The following ATP8B2 variants were observed in gnomAD, a reference collection of about 807,000 sequenced individuals.
ATP8B2 encodes the protein phospholipid-transporting ATPase ID.
In ATP8B2, 70 loss-of-function variants were observed where a neutral mutation model predicts 133.4. That is an observed-to-expected ratio of 0.52 (90% CI 0.43 to 0.64). ATP8B2 has a LOEUF of 0.64. Ranked by LOEUF, ATP8B2 falls within the 30% of genes least tolerant of loss-of-function variation. The pLI is 0.00. For synonymous variants in ATP8B2, 517 were observed against 589.5 expected (o/e 0.88, Z 1.78); for missense variants, 1,101 against 1,535.7 (o/e 0.72, Z 4.73).
rs1686601465 is a variant in ATP8B2, at chr1:154,346,852, A to G, written c.3163+94A>G. ...CTAATCTGCACATTCAACATTTCTTATGTGCCAAGTATTCTGTTTATTTTA... is the reference window on the plus strand; with the variant it reads ...CTAATCTGCACATTCAACATTTCTTGTGTGCCAAGTATTCTGTTTATTTTA... On this transcript the variant is annotated intron_variant, in intron 26 of 27. Transcript: ENST00000368489. This position sits in a 1 kb window ranked among gnomAD's most constrained non-coding sequence, Gnocchi z 4.5. The G allele has an allele frequency of 2.9e-6, 4 of 1,368,042 alleles. No individual in the cohort carries two copies. In the Admixed American group the frequency reaches 9.1e-5, roughly 31 times the overall value. The allele number at this position is 1,368,042 out of a possible 1,614,324, so 84.7% of individuals were successfully genotyped here. A position where few individuals can be genotyped will look rare whatever the true frequency, so the allele number is the denominator to read the frequency against.
Position 154,330,403 on chromosome 1 carries a change from A to C in ATP8B2, c.39A>C (p.Glu13Asp). ...AGCATCATTTTGTTGCAGAAGAAGA[A>C]AGGAGGGCGCGGGCTAATGACCGAG... is the stretch of plus-strand genomic sequence containing the variant. The part of the protein sequence containing the change: ...VCAKKRPPEE[E>D]RRARANDREY... Residue 13 changes from glutamate (E) to aspartate (D), a missense_variant, in exon 3 of 28, where the codon GAA (glutamate) becomes GAC (aspartate). Glu to Asp is a conservative substitution (Grantham distance 45). Transcript: ENST00000368489. 6.2e-7 allele frequency: 1 copy of C among 1,613,742 alleles called. No homozygotes were observed. The highest frequency in any genetic ancestry group is 8.5e-7 in the Non-Finnish European group (1 of 1,179,780).
chr1:154,327,806 A>G (rs1685842006), intron 1 of ATP8B2: 1 of 1,613,542 alleles, frequency 6.2e-7, no homozygotes. Context: ...TGGGATGGAT[A>G]CCTTGAGAGC....
Position 154,334,294 on chromosome 1 carries a change from G to A in ATP8B2, c.748+29G>A. ...AGCCTCCTAGCATCCAAAGAAAGAA[G>A]GGTAAGAGTGACTCAGCCAGCCCTC... is the stretch of plus-strand genomic sequence containing the variant. On this transcript the variant is annotated intron_variant, in intron 10 of 27. Transcript: ENST00000368489. The surrounding 1 kb of genome is among the most constrained non-coding windows in gnomAD (Gnocchi z 4.6). 1 of 1,609,552 alleles carries A rather than the reference G, an allele frequency of 6.2e-7. No individual in the cohort carries two copies. The highest frequency in any genetic ancestry group is 8.5e-7 in the Non-Finnish European group (1 of 1,176,354).
chr1:154,341,866 C>G (rs1447023729), intron 13 of ATP8B2: 3 of 153,674 alleles, frequency 2.0e-5, no homozygotes, highest in African/African-American at 7.3e-5. Context: ...GGTCTCAGCT[C>G]CAGGAATTAG....
chr1:154,346,016 G>T lies in ATP8B2; in HGVS notation c.2778+133G>T. On this transcript the variant is annotated intron_variant, in intron 24 of 27. Transcript: ENST00000368489. The surrounding 1 kb of genome is among the most constrained non-coding windows in gnomAD (Gnocchi z 4.5). ...AAGGCAGTTCTTTCAGCCGGGGAAG[G>T]TGTGGCTGGTTCTCCCTCCTGGCTG... The T allele has an allele frequency of 3.6e-6, 4 of 1,096,338 alleles. No homozygotes were observed. The highest frequency in any genetic ancestry group is 4.0e-6 in the Non-Finnish European group (3 of 743,234). The allele number at this position is 1,096,338 out of a possible 1,614,324, so 67.9% of individuals were successfully genotyped here. A position where few individuals can be genotyped will look rare whatever the true frequency, so the allele number is the denominator to read the frequency against.
chr1:154,349,019 C>T lies in ATP8B2; in HGVS notation c.3474C>T (p.Thr1158=). 1 of 1,614,260 alleles carries T rather than the reference C, an allele frequency of 6.2e-7. No individual in the cohort carries two copies. The highest frequency in any genetic ancestry group is 8.5e-7 in the Non-Finnish European group (1 of 1,180,046). The change falls in exon 28 of 28, where the codon ACC becomes ACT. Residue 1158 remains threonine (T), a synonymous_variant. Transcript: ENST00000368489. ...GCTCTCTCGCGCTCTCCAGCTTCACCACCCGCTCCAGCTCCAGCTGGATTG... is the reference window on the plus strand; with the variant it reads ...GCTCTCTCGCGCTCTCCAGCTTCACTACCCGCTCCAGCTCCAGCTGGATTG... ...RLSSLALSSF[T]TRSSSSWIES...
intron 26 of ATP8B2, among the ~76,000 whole-genome samples, chr1:154,347,360 G>C (rs1018847265): frequency 1.3e-5 from 2 of 152,160 alleles, no homozygotes; most frequent in Non-Finnish European, 2.9e-5. Flanking sequence ...GAGGGTGGGG[G>C]TGTGGAATGA....
At chr1:154,333,663 T>TAA (rs1331152830) in intron 9 of ATP8B2, among the ~76,000 whole-genome samples, 21 of 138,572 alleles carry the variant, frequency 1.5e-4, no homozygotes, top group Non-Finnish European at 2.6e-4. Context: ...TTTTTTTTTT[T>TAA]AAATACTCCT....
chr1:154,340,843 C>T lies in ATP8B2; in HGVS notation c.1035-11C>T, dbSNP rs901541717. On this transcript the variant is annotated splice_polypyrimidine_tract_variant and intron_variant, in intron 12 of 27. Coordinates refer to ENST00000368489, the MANE Select transcript of ATP8B2 (RefSeq NM_001370597.1). This position sits in a 1 kb window ranked among gnomAD's most constrained non-coding sequence, Gnocchi z 4.0. ...TCCCGACCCAAGCCTCACCTCTTGT[C>T]CCCTGTGCAGTGTGGAGGTCATCCG... 3 of 1,613,786 alleles carry T rather than the reference C, an allele frequency of 1.9e-6. No individual in the cohort carries two copies. Among genetic ancestry groups the T allele is most frequent in the African/African-American group, 2.7e-5 (2 of 74,922 alleles).
chr1:154,328,920 C>T lies in ATP8B2; in HGVS notation c.31+748C>T, dbSNP rs1685888032. ...CGGCTCCTGCACCTCCCCGGGGAGC[C>T]GCCCCGTCGATGCCACTAAGGCCAA... On this transcript the variant is annotated intron_variant, in intron 2 of 27. Transcript: ENST00000368489. This position sits in a 1 kb window ranked among gnomAD's most constrained non-coding sequence, Gnocchi z 4.6. 1 of 1,284,678 alleles carries T rather than the reference C, an allele frequency of 7.8e-7. No individual in the cohort carries two copies. The highest frequency in any genetic ancestry group is 1.0e-6 in the Non-Finnish European group (1 of 980,908). 79.6% of individuals were successfully genotyped at this position (1,284,678 alleles called of 1,614,324 possible).
rs1204475908 is a variant in ATP8B2 at position 154,340,934 on chromosome 1, CA to C, written c.1116del (p.Glu373LysfsTer7). On this transcript the variant is annotated frameshift_variant, in exon 13 of 28. Coordinates refer to ENST00000368489, the MANE Select transcript of ATP8B2 (RefSeq NM_001370597.1). LOFTEE classifies it high-confidence loss of function. This position sits in a 1 kb window ranked among gnomAD's most constrained non-coding sequence, Gnocchi z 4.0. ...TTCTGCATGAAGAAGCGGACGCCTG[CA>C]GAAGCCCGCACCACCACCCTAAACG... is the stretch of plus-strand genomic sequence containing the variant. The part of the protein sequence containing the change: ...KMFCMKKRTP[A>X]EARTTTLNEE... 6.2e-7 allele frequency: 1 copy of C among 1,614,074 alleles called. No individual in the cohort carries two copies. The highest frequency in any genetic ancestry group is 8.5e-7 in the Non-Finnish European group (1 of 1,180,048).
Position 154,345,666 on chromosome 1 carries a change from T to G in ATP8B2, c.2694+121T>G. On this transcript the variant is annotated intron_variant, in intron 23 of 27. Coordinates refer to ENST00000368489, the MANE Select transcript of ATP8B2 (RefSeq NM_001370597.1). The surrounding 1 kb of genome is among the most constrained non-coding windows in gnomAD (Gnocchi z 5.6). ...TTTTCTGGTACATACTCTTAAAAAA[T>G]GCTTATTAAAGGAGGAGAGAAGGAG... The G allele has an allele frequency of 7.6e-7, 1 of 1,312,506 alleles. No individual in the cohort carries two copies. The highest frequency in any genetic ancestry group is 1.5e-5 in the African/African-American group (1 of 67,866). The allele number at this position is 1,312,506 out of a possible 1,614,324, so 81.3% of individuals were successfully genotyped here. A position where few individuals can be genotyped will look rare whatever the true frequency, so the allele number is the denominator to read the frequency against.
intron 3 of ATP8B2, 34 bp downstream of exon 3, chr1:154,330,488 T>C: frequency 6.2e-7 from 1 of 1,601,636 alleles, no homozygotes; most frequent in Non-Finnish European, 8.6e-7. Context: ...TCCCTCTCTC[T>C]GTTTGGAGAG....
chr1:154,328,171 A>T lies in ATP8B2; in HGVS notation c.30A>T (p.Pro10=), dbSNP rs753192634. 6 of 1,613,440 alleles carry T rather than the reference A, an allele frequency of 3.7e-6. No homozygotes were observed. The highest frequency in any genetic ancestry group is 4.2e-6 in the Non-Finnish European group (5 of 1,179,626). ...CAGTGTGTGCAAAAAAGCGCCCCCC[A>T]GGTAAGACAGGCAAGGAGGGGAGAT... MAVCAKKRP[P]EEERRARAND... The change falls in exon 2 of 28, where the codon CCA becomes CCT. Residue 10 remains proline (P), a splice_region_variant and synonymous_variant. Coordinates refer to ENST00000368489, the MANE Select transcript of ATP8B2 (RefSeq NM_001370597.1). This position sits in a 1 kb window ranked among gnomAD's most constrained non-coding sequence, Gnocchi z 4.6.
At chr1:154,341,242 TG>T in intron 13 of ATP8B2, 180 bp downstream of exon 13, 1 of 696,782 alleles carries the variant, frequency 1.4e-6, no homozygotes, top group East Asian at 2.7e-5. Flanking sequence ...CATAGCACTT[TG>T]GGAGGCTGAG....
In ATP8B2 at chr1:154,342,783, T is replaced by G; in HGVS notation, c.1288-13T>G. Reference sequence around the variant, plus strand: ...ACTCTAGCCTTTCCTAAGAGCCTTCTTATGTGTTTCAGAGGCCTGAACCTG... The same window carrying G: ...ACTCTAGCCTTTCCTAAGAGCCTTCGTATGTGTTTCAGAGGCCTGAACCTG... On this transcript the variant is annotated splice_polypyrimidine_tract_variant and intron_variant, in intron 14 of 27. Transcript: ENST00000368489. 1.2e-6 allele frequency: 2 copies of G among 1,613,616 alleles called. No individual in the cohort carries two copies. Among genetic ancestry groups the G allele is most frequent in the Non-Finnish European group, 1.7e-6 (2 of 1,179,696 alleles).
chr1:154,349,197 C>A lies in ATP8B2; in HGVS notation c.*79C>A. 6.6e-7 allele frequency: 1 copy of A among 1,511,068 alleles called. No homozygotes were observed. 93.6% of individuals were successfully genotyped at this position (1,511,068 alleles called of 1,614,324 possible). A position where few individuals can be genotyped will look rare whatever the true frequency, so the allele number is the denominator to read the frequency against. ...TCACTGAGGGAACAGCGTCTCGGAA[C>A]TGCTGGTCCTCATTCCTTGCTTCCC... On this transcript the variant is annotated 3_prime_UTR_variant, in exon 28 of 28. Coordinates refer to ENST00000368489, the MANE Select transcript of ATP8B2 (RefSeq NM_001370597.1).
chr1:154,343,053 G>A lies in ATP8B2; in HGVS notation c.1454-60G>A. 6 of 1,595,180 alleles carry A rather than the reference G, an allele frequency of 3.8e-6. No homozygotes were observed. Among genetic ancestry groups the A allele is most frequent in the Non-Finnish European group, 4.3e-6 (5 of 1,169,282 alleles). On this transcript the variant is annotated intron_variant, in intron 15 of 27. Transcript: ENST00000368489. This position sits in a 1 kb window ranked among gnomAD's most constrained non-coding sequence, Gnocchi z 5.8. ...AATGCGGCTGGGCTGGGGCTTCCTG[G>A]GCGGGGCACGTGGCTGAGGGAAGCC...
chr1:154,336,389 A>C (rs1558270604), intron 11 of ATP8B2, among the ~76,000 whole-genome samples: 1 of 152,058 alleles, frequency 6.6e-6, no homozygotes, highest in Non-Finnish European at 1.5e-5. Context: ...GCCACATTGG[A>C]AGAAGAATTG....
Sources: allele counts gnomAD v4.1 joint callset (sites outside exome capture counted in the v4.1 genomes callset), GRCh38; gene constraint gnomAD v4.1.1; non-coding constraint Gnocchi (gnomAD v3.1); transcripts MANE v1.5; gene names NCBI Gene and HGNC (gene_info 2026-07-23, HGNC 2026-07-21).